The following CADM2 variants were observed in gnomAD, a reference collection of about 807,000 sequenced individuals.
The protein encoded by CADM2 is cell adhesion molecule 2.
In CADM2, 12 loss-of-function variants were observed where a neutral mutation model predicts 49.8. The observed-to-expected ratio is 0.24, with a 90% confidence interval of 0.15 to 0.39. CADM2 has a LOEUF of 0.39. Ranked by LOEUF, CADM2 falls within the 10% of genes least tolerant of loss-of-function variation. The pLI is 1.00. For missense variants in CADM2, 378 were observed against 492.3 expected, an observed-to-expected ratio of 0.77 and a Z score of 2.20; for synonymous variants, 214 against 175.4, an observed-to-expected ratio of 1.22 and a Z score of -1.74.
chr3:85,947,993 C>G (rs914106223), intron 7 of CADM2, among the ~76,000 whole-genome samples: 8 of 151,496 alleles, frequency 5.3e-5, no homozygotes, highest in Admixed American at 4.0e-4. Flanking sequence ...AAACATGTCT[C>G]AATACATTGA....
intron 7 of CADM2, among the ~76,000 whole-genome samples, chr3:85,941,418 G>C (rs1721887295): frequency 6.6e-6 from 1 of 152,126 alleles, no homozygotes; most frequent in South Asian, 2.1e-4. Flanking sequence ...TATTTAAACA[G>C]CAAAGGAATC....
chr3:85,631,168 G>A (rs1233345240), intron 1 of CADM2, among the ~76,000 whole-genome samples: 1 of 151,928 alleles, frequency 6.6e-6, no homozygotes, highest in African/African-American at 2.4e-5. Context: ...TTCATTTGAT[G>A]TCTCACCTCA....
intron 8 of CADM2, among the ~76,000 whole-genome samples, chr3:86,041,060 C>G (rs572475245): frequency 5.3e-5 from 8 of 152,086 alleles, no homozygotes; most frequent in Non-Finnish European, 1.2e-4. Flanking sequence ...CAGGCCTGCC[C>G]TAAAAGAGCT....
At chr3:86,056,190 G>A (rs9866277) in intron 8 of CADM2, among the ~76,000 whole-genome samples, 29,875 of 152,078 alleles carry the variant, frequency 0.2, 3,090 homozygotes, top group East Asian at 0.27. Context: ...GAGGTGAAGC[G>A]TTTTGTGAAG....
At chr3:84,982,162 A>T (rs118037065) in intron 1 of CADM2, among the ~76,000 whole-genome samples, 1 of 152,168 alleles carries the variant, frequency 6.6e-6, no homozygotes, top group African/African-American at 2.4e-5. Context: ...TTCTGATGTC[A>T]CATTAGAAGG....
chr3:85,849,021 A>G (rs1419264784), intron 3 of CADM2, among the ~76,000 whole-genome samples: 1 of 152,208 alleles, frequency 6.6e-6, no homozygotes, highest in African/African-American at 2.4e-5. Flanking sequence ...ATAAGTAAAA[A>G]CTATTCACAT....
chr3:85,252,662 G>A (rs1271762690), intron 1 of CADM2, among the ~76,000 whole-genome samples: 2 of 151,848 alleles, frequency 1.3e-5, no homozygotes, highest in African/African-American at 4.8e-5. Context: ...TTCAGTTAGG[G>A]AGCAATGAAA....
chr3:85,176,006 G>C (rs1187062672), intron 1 of CADM2, among the ~76,000 whole-genome samples: 1 of 137,130 alleles, frequency 7.3e-6, no homozygotes, highest in Non-Finnish European at 1.5e-5. Context: ...TCGGCTCACT[G>C]CAAGCTCCGC....
intron 1 of CADM2, among the ~76,000 whole-genome samples, chr3:85,208,024 A>T (rs990794310): frequency 8.5e-5 from 13 of 152,168 alleles, no homozygotes; most frequent in African/African-American, 3.1e-4. Context: ...TGCCTCCCTG[A>T]CAAATGTCCA....
At chr3:85,132,179 A>G (rs2039253435) in intron 1 of CADM2, among the ~76,000 whole-genome samples, 1 of 152,210 alleles carries the variant, frequency 6.6e-6, no homozygotes, top group East Asian at 1.9e-4. Flanking sequence ...TTCAGTTAAA[A>G]AAGGTTGATC....
chr3:85,511,010 A>G (rs1373685105), intron 1 of CADM2, among the ~76,000 whole-genome samples: 1 of 152,070 alleles, frequency 6.6e-6, no homozygotes, highest in Admixed American at 6.6e-5. Context: ...TTATATTGGA[A>G]TTTTAAATGT....
At position 85,017,855 on chromosome 3, in the gene CADM2, C is replaced by A. The variant is rs73139677; in HGVS notation, c.61+58187C>A. ...TAATGATTTTATTTTGTTACTATGA[C>A]CCGAGTCAAAGATCAATGAAATATA... On this transcript the variant is annotated intron_variant, in intron 1 of 9. Transcript: ENST00000383699. Among the ~76,000 whole-genome samples the A allele has an allele frequency of 5.9e-5, 9 of 152,074 alleles. 1 individual carries two copies. Among genetic ancestry groups the A allele is most frequent in the Admixed American group, 2.6e-4 (4 of 15,270 alleles).
chr3:85,207,751 A>C (rs976552544), intron 1 of CADM2, among the ~76,000 whole-genome samples: 5 of 152,174 alleles, frequency 3.3e-5, no homozygotes, highest in African/African-American at 1.2e-4. Flanking sequence ...ACCAACTGGC[A>C]TACTTTTAAT....
At chr3:85,163,840 A>G (rs2040397611) in intron 1 of CADM2, among the ~76,000 whole-genome samples, 1 of 152,100 alleles carries the variant, frequency 6.6e-6, no homozygotes, top group African/African-American at 2.4e-5. Context: ...GCATGTTCAG[A>G]GTTATGCAAC....
chr3:85,231,734 T>A, intron 1 of CADM2, among the ~76,000 whole-genome samples: 1 of 149,520 alleles, frequency 6.7e-6, no homozygotes. Context: ...GTTTTTGAGA[T>A]GAAGTTTTGT....
intron 1 of CADM2, among the ~76,000 whole-genome samples, chr3:84,967,576 T>C (rs2031096422): frequency 6.6e-6 from 1 of 152,148 alleles, no homozygotes; most frequent in Non-Finnish European, 1.5e-5. Flanking sequence ...CTCTCTATTT[T>C]ATGTGCTGAA....
chr3:84,969,570 C>T (rs1392410459), intron 1 of CADM2, among the ~76,000 whole-genome samples: 1 of 151,382 alleles, frequency 6.6e-6, no homozygotes, highest in African/African-American at 2.4e-5. Flanking sequence ...TTAATCTTGA[C>T]ACAACTCTTT....
intron 3 of CADM2, among the ~76,000 whole-genome samples, chr3:85,836,377 G>T (rs2074410921): frequency 6.6e-6 from 1 of 151,598 alleles, no homozygotes; most frequent in East Asian, 1.9e-4. Context: ...TTCAGGTTTT[G>T]ATTCTTTCTA....
At chr3:85,905,728 T>A (rs1455958572) in intron 5 of CADM2, among the ~76,000 whole-genome samples, 4 of 152,142 alleles carry the variant, frequency 2.6e-5, no homozygotes. Flanking sequence ...TATGAATACA[T>A]AATTTATATT....
Sources: gnomAD v4.1 joint callset for allele counts (sites outside exome capture counted in the v4.1 genomes callset) on GRCh38, gnomAD v4.1.1 for gene constraint, MANE v1.5 for transcripts, NCBI Gene and HGNC (gene_info 2026-07-23, HGNC 2026-07-21) for gene names.